OSBP2: variants seen among roughly 807,000 people sequenced by gnomAD.
OSBP2 encodes the protein oxysterol binding protein 2.
A neutral mutation model predicts 96.0 loss-of-function variants in OSBP2; 66 were observed. The observed-to-expected ratio is 0.69, with a 90% CI of 0.56 to 0.84. The LOEUF (loss-of-function observed/expected upper bound fraction) is 0.84, where lower values mean the gene tolerates loss of function less well. OSBP2 is among the 40% of genes least tolerant of loss of function. The pLI, the probability that OSBP2 is intolerant of heterozygous loss-of-function variation, is 0.00. For missense variants in OSBP2, 1,038 were observed against 1,222.7 expected, an observed-to-expected ratio of 0.85 and a Z score of 2.25; for synonymous variants, 525 against 520.9, an observed-to-expected ratio of 1.01 and a Z score of -0.11.
intron 2 of OSBP2, among the ~76,000 whole-genome samples, chr22:30,786,666 T>C (rs1261101371): frequency 7.6e-6 from 1 of 130,866 alleles, no homozygotes; most frequent in Non-Finnish European, 1.6e-5. Flanking sequence ...GTTGGGGAGA[T>C]CCTGGCTGTT....
chr22:30,878,914 G>T (rs2039640249), intron 3 of OSBP2, among the ~76,000 whole-genome samples: 1 of 152,178 alleles, frequency 6.6e-6, no homozygotes, highest in Admixed American at 6.5e-5. Context: ...GGCAAAGTAT[G>T]AGGGGGAAGT....
At chr22:30,878,472 C>T (rs760006181) in intron 3 of OSBP2, among the ~76,000 whole-genome samples, 19 of 152,186 alleles carry the variant, frequency 1.2e-4, no homozygotes, top group Admixed American at 2.6e-4. Flanking sequence ...GGGCCTAAGC[C>T]GCTAGAGAAT....
At chr22:30,788,858 G>A (rs1220112281) in intron 2 of OSBP2, among the ~76,000 whole-genome samples, 2 of 152,004 alleles carry the variant, frequency 1.3e-5, no homozygotes, top group Non-Finnish European at 2.9e-5. Context: ...GATTACAGGC[G>A]CCTGCCACCA....
chr22:30,865,364 C>T (rs1469390808), intron 2 of OSBP2, among the ~76,000 whole-genome samples: 1 of 152,124 alleles, frequency 6.6e-6, no homozygotes, highest in African/African-American at 2.4e-5. Context: ...GTGGCTCACG[C>T]CTATAATCCC....
chr22:30,695,635 C>T (rs1466754202), intron 1 of OSBP2, 82 bp downstream of exon 1: 4 of 1,531,642 alleles, frequency 2.6e-6, no homozygotes, highest in East Asian at 2.3e-5. Flanking sequence ...CCATGGTTGG[C>T]GGACACTGCC....
At chr22:30,728,775 G>A (rs1230417351) in intron 1 of OSBP2, among the ~76,000 whole-genome samples, 1 of 152,164 alleles carries the variant, frequency 6.6e-6, no homozygotes, top group East Asian at 1.9e-4. Flanking sequence ...GGGATTATAG[G>A]TGTGAGCCAC....
At chr22:30,859,970 G>A (rs1379022085) in intron 2 of OSBP2, among the ~76,000 whole-genome samples, 1 of 152,148 alleles carries the variant, frequency 6.6e-6, no homozygotes, top group Non-Finnish European at 1.5e-5. Context: ...GCAGCACCCA[G>A]GCCATGAGGG....
intron 2 of OSBP2, among the ~76,000 whole-genome samples, chr22:30,845,375 A>G (rs1471009559): frequency 2.0e-5 from 3 of 152,122 alleles, no homozygotes; most frequent in African/African-American, 7.2e-5. Flanking sequence ...GTGAGCTGAG[A>G]TCGTGCCATT....
chr22:30,888,073 G>T, intron 4 of OSBP2, 150 bp from the exon 5 acceptor site: 2 of 659,768 alleles, frequency 3.0e-6, no homozygotes, highest in South Asian at 3.6e-5. Context: ...AAGGGTGGCC[G>T]CAGCCCAGGG....
At chr22:30,902,122 A>C (rs2040214172) in intron 12 of OSBP2, 2 of 225,652 alleles carry the variant, frequency 8.9e-6, no homozygotes, top group Non-Finnish European at 1.4e-5. Context: ...AAAAAAAAAA[A>C]AACGAAAAAA....
At chr22:30,843,752 C>T (rs1232551794) in intron 2 of OSBP2, among the ~76,000 whole-genome samples, 1 of 152,118 alleles carries the variant, frequency 6.6e-6, no homozygotes, top group African/African-American at 2.4e-5. Context: ...CCTGTAGTCC[C>T]AGCTACTTGG....
intron 2 of OSBP2, among the ~76,000 whole-genome samples, chr22:30,775,946 C>T (rs1018047421): frequency 5.3e-5 from 8 of 151,754 alleles, no homozygotes; most frequent in African/African-American, 1.7e-4. Context: ...TAGGAAGGCA[C>T]CACCACACCT....
upstream of OSBP2, chr22:30,694,262 C>T (rs1193717845): frequency 6.5e-7 from 1 of 1,549,864 alleles, no homozygotes; most frequent in Non-Finnish European, 8.7e-7. Flanking sequence ...GAACCGTAGG[C>T]CAGCTGGCTC....
intron 2 of OSBP2, among the ~76,000 whole-genome samples, chr22:30,845,429 T>TTAAA (rs1207219926): frequency 9.6e-4 from 144 of 150,508 alleles, no homozygotes; most frequent in African/African-American, 2.9e-3. Flanking sequence ...ATCTCAGAAA[T>TTAAA]TAAATAAATA....
At chr22:30,699,190 C>A (rs1048531731) in intron 1 of OSBP2, among the ~76,000 whole-genome samples, 6 of 152,092 alleles carry the variant, frequency 3.9e-5, no homozygotes, top group African/African-American at 1.4e-4. Context: ...AGTGATCCAC[C>A]CCCTTCAGCC....
At chr22:30,706,950 C>T (rs1202159258) in intron 1 of OSBP2, among the ~76,000 whole-genome samples, 3 of 152,162 alleles carry the variant, frequency 2.0e-5, no homozygotes, top group Non-Finnish European at 4.4e-5. Context: ...TTTGGCCATG[C>T]ACCCCATCAG....
Position 30,879,817 on chromosome 22 carries a change from C to T in OSBP2, c.1108-7609C>T, listed in dbSNP as rs150280574. Reference sequence around the variant, plus strand: ...CTGTAATCCCAGCACTTTGAGAGGCCGACGCGGGCAGATTACTTGAGGTCA... The same window carrying T: ...CTGTAATCCCAGCACTTTGAGAGGCTGACGCGGGCAGATTACTTGAGGTCA... On this transcript the variant is annotated intron_variant, in intron 3 of 13. Coordinates refer to ENST00000332585, the MANE Select transcript of OSBP2 (RefSeq NM_030758.4). Among the ~76,000 whole-genome samples the T allele has an allele frequency of 6.6e-3, 999 of 152,260 alleles. 8 individuals are homozygous for T. The highest frequency in any genetic ancestry group is 0.026 in the East Asian group (137 of 5,176).
chr22:30,770,830 C>G (rs1280692095), intron 2 of OSBP2: 2 of 153,326 alleles, frequency 1.3e-5, no homozygotes, highest in Non-Finnish European at 2.9e-5. Context: ...TCTTGCCTGG[C>G]TTTGTGGCTG....
chr22:30,862,870 G>C (rs1431083542), intron 2 of OSBP2, among the ~76,000 whole-genome samples: 2 of 151,924 alleles, frequency 1.3e-5, no homozygotes. Context: ...CTACTCGGGA[G>C]GCTGAGGCAG....
Sources: gnomAD v4.1 joint callset for allele counts (sites outside exome capture counted in the v4.1 genomes callset) on GRCh38, gnomAD v4.1.1 for gene constraint, MANE v1.5 for transcripts, NCBI Gene and HGNC (gene_info 2026-07-23, HGNC 2026-07-21) for gene names.